CPQ: variants seen among roughly 807,000 people sequenced by gnomAD.
CPQ encodes Ser-Met dipeptidase.
CPQ carries 37 observed loss-of-function variants against 45.7 expected under a neutral mutation model. The observed-to-expected ratio is 0.81, with a 90% confidence interval of 0.62 to 1.07. The LOEUF (loss-of-function observed/expected upper bound fraction) is 1.07. Among genes scored for constraint, CPQ ranks in the 50% least tolerant of loss-of-function variants. The pLI is 0.00. For missense variants in CPQ, 537 were observed against 572.9 expected, an observed-to-expected ratio of 0.94 and a Z score of 0.64; for synonymous variants, 186 against 205.8, an observed-to-expected ratio of 0.90 and a Z score of 0.82.
At chr8:96,970,371 A>T (rs1447306853) in intron 5 of CPQ, among the ~76,000 whole-genome samples, 1 of 152,180 alleles carries the variant, frequency 6.6e-6, no homozygotes, top group Non-Finnish European at 1.5e-5. Flanking sequence ...TATTGTAAGC[A>T]TTGTGCTAAG....
intron 7 of CPQ, among the ~76,000 whole-genome samples, chr8:97,108,197 A>G (rs777722802): frequency 5.9e-5 from 9 of 152,332 alleles, no homozygotes; most frequent in Non-Finnish European, 1.2e-4. Context: ...AAGTACTAAT[A>G]TTCCATGTTG....
intron 5 of CPQ, among the ~76,000 whole-genome samples, chr8:96,986,412 A>G (rs1040997990): frequency 2.0e-5 from 3 of 152,126 alleles, no homozygotes; most frequent in Non-Finnish European, 4.4e-5. Context: ...GATTTTCACT[A>G]TGGGTTTTTA....
chr8:96,723,504 C>T (rs1809794293), intron 1 of CPQ, among the ~76,000 whole-genome samples: 1 of 152,070 alleles, frequency 6.6e-6, no homozygotes, highest in Non-Finnish European at 1.5e-5. Flanking sequence ...ATAAAACATA[C>T]AAAAAGGAGC....
chr8:96,989,788 T>C (rs771231652), intron 5 of CPQ, among the ~76,000 whole-genome samples: 19 of 152,088 alleles, frequency 1.2e-4, no homozygotes, highest in South Asian at 2.1e-4. Flanking sequence ...TCAGTAGCTT[T>C]GAGGATCAAA....
chr8:96,820,796 T>C (rs563163884), intron 2 of CPQ, among the ~76,000 whole-genome samples: 1 of 152,190 alleles, frequency 6.6e-6, no homozygotes, highest in African/African-American at 2.4e-5. Flanking sequence ...ATCTCTTTGA[T>C]GTATTGATTT....
chr8:97,059,666 C>T (rs925121231), intron 6 of CPQ, among the ~76,000 whole-genome samples: 1 of 152,118 alleles, frequency 6.6e-6, no homozygotes, highest in Non-Finnish European at 1.5e-5. Context: ...AAGAAATCAC[C>T]TTCATCCACA....
chr8:97,034,340 T>A (rs1809960459), intron 6 of CPQ, among the ~76,000 whole-genome samples: 1 of 152,212 alleles, frequency 6.6e-6, no homozygotes, highest in African/African-American at 2.4e-5. Flanking sequence ...TAGCGGAAAG[T>A]CCCATAAAAG....
intron 2 of CPQ, among the ~76,000 whole-genome samples, chr8:96,828,801 A>G (rs937962959): frequency 1.3e-5 from 2 of 152,104 alleles, no homozygotes; most frequent in Admixed American, 1.3e-4. Context: ...TGTTTTTGGA[A>G]AAGAGTATAT....
At chr8:96,697,466 A>C (rs1261613815) in intron 1 of CPQ, among the ~76,000 whole-genome samples, 2 of 152,206 alleles carry the variant, frequency 1.3e-5, no homozygotes, top group African/African-American at 4.8e-5. Context: ...AGAACATGAC[A>C]AGGATGCCCA....
chr8:96,881,305 A>G (rs553931535), intron 4 of CPQ, among the ~76,000 whole-genome samples: 51 of 152,314 alleles, frequency 3.3e-4, no homozygotes, highest in African/African-American at 1.2e-3. Context: ...AGAGCATTCA[A>G]TCATGGCAGA....
chr8:96,861,633 G>A (rs924069785), intron 3 of CPQ, among the ~76,000 whole-genome samples: 2 of 152,050 alleles, frequency 1.3e-5, no homozygotes, highest in Non-Finnish European at 2.9e-5. Flanking sequence ...ATCTAAAACA[G>A]ATGTGCCTAT....
At chr8:97,047,086 G>T (rs1263938824) in intron 6 of CPQ, among the ~76,000 whole-genome samples, 1 of 151,976 alleles carries the variant, frequency 6.6e-6, no homozygotes, top group Non-Finnish European at 1.5e-5. Flanking sequence ...TTAAAAGATG[G>T]CATTATAATC....
chr8:96,783,445 G>A (rs1810718628), intron 1 of CPQ, among the ~76,000 whole-genome samples: 1 of 152,076 alleles, frequency 6.6e-6, no homozygotes, highest in African/African-American at 2.4e-5. Context: ...CAGAAGAAGG[G>A]CAAAGAGGGG....
chr8:97,138,226 A>G (rs1309012945), intron 7 of CPQ, among the ~76,000 whole-genome samples: 2 of 152,188 alleles, frequency 1.3e-5, no homozygotes, highest in Non-Finnish European at 2.9e-5. Flanking sequence ...AATTAGCCCA[A>G]GTTACCCCCC....
rs117364055 is a variant in CPQ, at chr8:97,026,964, G to A, written c.962-2439G>A. On this transcript the variant is annotated intron_variant, in intron 5 of 7. Transcript: ENST00000220763. ...TGTTTATTCTTATTTAGAGAATTTC[G>A]TCATTTTAATAATTTGGTAATATTT... Among the ~76,000 whole-genome samples, 638 of 152,176 alleles carry A rather than the reference G, an allele frequency of 4.2e-3. 5 individuals are homozygous for A. Among genetic ancestry groups the A allele is most frequent in the African/African-American group, 3.8e-3 (159 of 41,514 alleles).
At chr8:96,843,572 T>A (rs762580949) in intron 3 of CPQ, among the ~76,000 whole-genome samples, 11 of 152,212 alleles carry the variant, frequency 7.2e-5, no homozygotes, top group Non-Finnish European at 1.3e-4. Flanking sequence ...TACTAGTCTG[T>A]CTCCCTTTTT....
At chr8:96,936,353 T>C (rs187896205) in intron 4 of CPQ, among the ~76,000 whole-genome samples, 1 of 152,344 alleles carries the variant, frequency 6.6e-6, no homozygotes, top group East Asian at 1.9e-4. Context: ...TTTATATAAT[T>C]TCTGACTCAT....
At chr8:96,759,963 G>A (rs962857253) in intron 1 of CPQ, among the ~76,000 whole-genome samples, 5 of 152,142 alleles carry the variant, frequency 3.3e-5, no homozygotes, top group African/African-American at 9.7e-5. Context: ...GAGAGGTTAC[G>A]TAACTTGGTC....
chr8:96,648,290 A>G (rs1244874806), intron 1 of CPQ, among the ~76,000 whole-genome samples: 1 of 152,128 alleles, frequency 6.6e-6, no homozygotes, highest in African/African-American at 2.4e-5. Context: ...AGACCTTCCC[A>G]TTGCTCACAA....
Sources: gnomAD v4.1 joint callset for allele counts (sites outside exome capture counted in the v4.1 genomes callset) on GRCh38, gnomAD v4.1.1 for gene constraint, MANE v1.5 for transcripts, NCBI Gene and HGNC (gene_info 2026-07-23, HGNC 2026-07-21) for gene names.